The following MAGI2 variants were observed in gnomAD, a reference collection of about 807,000 sequenced individuals.
MAGI2 encodes the protein membrane-associated guanylate kinase, WW and PDZ domain-containing protein 2.
MAGI2 carries 35 observed loss-of-function variants against 133.3 expected under a neutral mutation model. The ratio of observed to expected loss-of-function variants is 0.26; its 90% CI spans 0.20 to 0.35. The LOEUF (loss-of-function observed/expected upper bound fraction) is 0.35. Ranked by LOEUF, MAGI2 falls within the 10% of genes least tolerant of loss-of-function variation. MAGI2 has a pLI of 1.00. For synonymous variants in MAGI2, 729 were observed against 710.6 expected, an observed-to-expected ratio of 1.03 and a Z score of -0.41; for missense variants, 1,636 against 1,863.4, an observed-to-expected ratio of 0.88 and a Z score of 2.25.
chr7:78,598,882 T>C (rs960885357), intron 3 of MAGI2, among the ~76,000 whole-genome samples: 2 of 152,056 alleles, frequency 1.3e-5, no homozygotes, highest in East Asian at 1.9e-4. Flanking sequence ...CTTGAGAGGT[T>C]TGGAAGAAGA....
intron 4 of MAGI2, among the ~76,000 whole-genome samples, chr7:78,504,434 A>G (rs1446005489): frequency 6.6e-6 from 1 of 152,152 alleles, no homozygotes; most frequent in African/African-American, 2.4e-5. Context: ...GGGGAAGAGT[A>G]GAGCAGGTAC....
At chr7:79,167,499 T>A (rs1825066255) in intron 1 of MAGI2, among the ~76,000 whole-genome samples, 1 of 151,970 alleles carries the variant, frequency 6.6e-6, no homozygotes, top group African/African-American at 2.4e-5. Flanking sequence ...CTGACTTCTT[T>A]CTACTTCATA....
At chr7:78,367,213 G>A (rs1793470501) in intron 7 of MAGI2, among the ~76,000 whole-genome samples, 2 of 151,914 alleles carry the variant, frequency 1.3e-5, no homozygotes, top group Non-Finnish European at 2.9e-5. Flanking sequence ...GGATCTACCA[G>A]CAGCAGATCT....
intron 9 of MAGI2, among the ~76,000 whole-genome samples, chr7:78,262,004 A>G (rs1246699721): frequency 6.6e-6 from 1 of 152,140 alleles, no homozygotes; most frequent in Non-Finnish European, 1.5e-5. Flanking sequence ...ATGTCATACC[A>G]GTAGAGTTGA....
At chr7:78,922,434 C>CAT (rs1244098536) in intron 2 of MAGI2, among the ~76,000 whole-genome samples, 2 of 150,400 alleles carry the variant, frequency 1.3e-5, no homozygotes, top group African/African-American at 4.9e-5. Flanking sequence ...TGAGTGAGAA[C>CAT]ATGCGGTGTT....
At chr7:78,841,872 C>A (rs1056952347) in intron 2 of MAGI2, among the ~76,000 whole-genome samples, 1 of 151,878 alleles carries the variant, frequency 6.6e-6, no homozygotes, top group Non-Finnish European at 1.5e-5. Context: ...TTTCTCTGAC[C>A]ACCCAAGGAG....
At chr7:79,150,312 A>G (rs1414359416) in intron 1 of MAGI2, among the ~76,000 whole-genome samples, 1 of 151,948 alleles carries the variant, frequency 6.6e-6, no homozygotes, top group African/African-American at 2.4e-5. Flanking sequence ...CATAACTCCA[A>G]CATCCCAAAA....
intron 2 of MAGI2, among the ~76,000 whole-genome samples, chr7:78,945,547 T>G (rs1448504373): frequency 1.3e-5 from 2 of 152,206 alleles, no homozygotes; most frequent in East Asian, 3.9e-4. Context: ...GAATACAATA[T>G]AACATCAACC....
chr7:78,678,905 A>T (rs183043354), intron 2 of MAGI2, among the ~76,000 whole-genome samples: 1 of 152,136 alleles, frequency 6.6e-6, no homozygotes. Flanking sequence ...AGAAAGTAAC[A>T]TTATTCCACT....
chr7:78,033,322 A>T (rs2151066223), intron 21 of MAGI2, among the ~76,000 whole-genome samples: 1 of 152,082 alleles, frequency 6.6e-6, no homozygotes, highest in East Asian at 1.9e-4. Flanking sequence ...ACAAAAAATA[A>T]ATTAGCTGGG....
intron 1 of MAGI2, among the ~76,000 whole-genome samples, chr7:79,117,409 T>C (rs1038117791): frequency 5.3e-5 from 8 of 152,150 alleles, no homozygotes; most frequent in African/African-American, 1.9e-4. Context: ...AATCTGACAC[T>C]GTAGGCATGT....
At chr7:79,132,783 C>T (rs1203496583) in intron 1 of MAGI2, among the ~76,000 whole-genome samples, 2 of 152,076 alleles carry the variant, frequency 1.3e-5, no homozygotes, top group African/African-American at 2.4e-5. Context: ...TATAAGCATT[C>T]CCTTTTCTTC....
chr7:78,679,300 T>C (rs960796839), intron 2 of MAGI2, among the ~76,000 whole-genome samples: 1 of 152,154 alleles, frequency 6.6e-6, no homozygotes, highest in African/African-American at 2.4e-5. Context: ...CATAATTGTT[T>C]ACATGCCTAT....
chr7:78,183,378 G>T (rs1827375641), intron 13 of MAGI2, among the ~76,000 whole-genome samples: 1 of 150,126 alleles, frequency 6.7e-6, no homozygotes, highest in Admixed American at 6.7e-5. Flanking sequence ...CGATTCTCCT[G>T]CCTCAGCTTC....
intron 1 of MAGI2, among the ~76,000 whole-genome samples, chr7:79,264,779 T>A (rs1834323943): frequency 6.6e-6 from 1 of 151,924 alleles, no homozygotes; most frequent in African/African-American, 2.4e-5. Context: ...AGTGAGGGCT[T>A]CAGGCTGCTT....
At chr7:78,059,773 A>ATT (rs749682096) in intron 21 of MAGI2, among the ~76,000 whole-genome samples, 344 of 77,214 alleles carry the variant, frequency 4.5e-3, no homozygotes, top group East Asian at 0.012. Flanking sequence ...ATATATATAT[A>ATT]TATATTTTTT....
At chr7:79,054,745 GA>G (rs939057077) in intron 1 of MAGI2, among the ~76,000 whole-genome samples, 24 of 152,094 alleles carry the variant, frequency 1.6e-4, no homozygotes, top group Admixed American at 7.9e-4. Context: ...AGTTAGTTCT[GA>G]CTCTACCTGG....
intron 6 of MAGI2, among the ~76,000 whole-genome samples, chr7:78,404,595 C>T (rs940047568): frequency 6.6e-6 from 1 of 152,080 alleles, no homozygotes; most frequent in African/African-American, 2.4e-5. Flanking sequence ...ATAAATGGTG[C>T]TGGGAAAACT....
intron 9 of MAGI2, among the ~76,000 whole-genome samples, chr7:78,287,825 C>G (rs1364617370): frequency 1.3e-5 from 2 of 152,104 alleles, no homozygotes; most frequent in Admixed American, 1.3e-4. Context: ...AGCTAACCTA[C>G]TTTAAGTAGG....
Sources: gnomAD v4.1 joint callset for allele counts (sites outside exome capture counted in the v4.1 genomes callset) on GRCh38, gnomAD v4.1.1 for gene constraint, MANE v1.5 for transcripts, NCBI Gene and HGNC (gene_info 2026-07-23, HGNC 2026-07-21) for gene names.